The following SIK2 variants were observed in gnomAD, a reference collection of about 807,000 sequenced individuals.
SIK2 encodes serine/threonine-protein kinase SIK2.
SIK2 carries 29 observed loss-of-function variants against 103.2 expected under a neutral mutation model. The observed-to-expected ratio is 0.28, with a 90% CI of 0.21 to 0.38. The LOEUF is 0.38. SIK2 is among the 10% of genes least tolerant of loss of function. SIK2 has a pLI of 1.00. For synonymous variants in SIK2, 412 were observed against 446.1 expected, an observed-to-expected ratio of 0.92 and a Z score of 0.96; for missense variants, 879 against 1,171.0, an observed-to-expected ratio of 0.75 and a Z score of 3.64.
In SIK2 at chr11:111,624,641, G is replaced by A. The variant is rs550106520; in HGVS notation, c.316+4239G>A. On this transcript the variant is annotated intron_variant, in intron 3 of 14. Transcript: ENST00000304987. ...TATGTGGTAAGAAAACTGCAATGAA[G>A]AAAATAGACAAAAATCTCTACTCTT... is the stretch of plus-strand genomic sequence containing the variant. Among the ~76,000 whole-genome samples the A allele has an allele frequency of 5.3e-5, 8 of 152,278 alleles. No homozygotes were observed. The South Asian group carries it at 1.7e-3, about 32-fold the overall frequency.
intron 3 of SIK2, among the ~76,000 whole-genome samples, chr11:111,658,809 C>T (rs1942429647): frequency 2.6e-5 from 4 of 151,942 alleles, no homozygotes; most frequent in Admixed American, 2.0e-4. Context: ...AGAAGTACTA[C>T]AGTAACCAAA....
intron 8 of SIK2, among the ~76,000 whole-genome samples, chr11:111,707,735 T>C (rs556555717): frequency 1.1e-4 from 16 of 152,318 alleles, no homozygotes; most frequent in African/African-American, 3.8e-4. Flanking sequence ...TTAAAAGAAG[T>C]GGCAAATCAC....
chr11:111,699,329 C>T (rs576655868), intron 4 of SIK2, among the ~76,000 whole-genome samples: 2 of 152,304 alleles, frequency 1.3e-5, no homozygotes, highest in Non-Finnish European at 2.9e-5. Context: ...TTCTACCCCT[C>T]CTATCTACTT....
At chr11:111,715,793 C>CTT (rs535843069) in intron 9 of SIK2, among the ~76,000 whole-genome samples, 2,880 of 81,662 alleles carry the variant, frequency 0.035, 17 homozygotes, top group East Asian at 0.045. Flanking sequence ...TCATTTTTAG[C>CTT]TTTTTTTTTT....
intron 3 of SIK2, among the ~76,000 whole-genome samples, chr11:111,644,324 AG>A (rs1246834656): frequency 4.7e-4 from 71 of 151,716 alleles, no homozygotes; most frequent in African/African-American, 1.6e-3. Flanking sequence ...AAAAAAGAAA[AG>A]AAAGAGAAAT....
rs779933093 is a variant in SIK2, at chr11:111,725,784, C to A, written c.*1655C>A. Reference sequence around the variant, plus strand: ...ATGCGAGCCCAGCTCCTACCAACGTCGGTAACTTGAGCAGTCCCTGTTGCT... The same window carrying A: ...ATGCGAGCCCAGCTCCTACCAACGTAGGTAACTTGAGCAGTCCCTGTTGCT... On this transcript the variant is annotated 3_prime_UTR_variant, in exon 15 of 15. Coordinates refer to ENST00000304987, the MANE Select transcript of SIK2 (RefSeq NM_015191.3). 2.6e-5 allele frequency: 4 copies of A among 152,654 alleles called. No homozygotes were observed. Among genetic ancestry groups the A allele is most frequent in the Non-Finnish European group, 5.9e-5 (4 of 68,054 alleles). 9.5% of individuals were successfully genotyped at this position (152,654 alleles called of 1,614,324 possible). A position where few individuals can be genotyped will look rare whatever the true frequency, so the allele number is the denominator to read the frequency against.
chr11:111,702,797 C>A (rs544266121), intron 6 of SIK2, among the ~76,000 whole-genome samples: 1 of 152,196 alleles, frequency 6.6e-6, no homozygotes, highest in Non-Finnish European at 1.5e-5. Context: ...AGCAGCAGCC[C>A]GTTGGAGAGC....
intron 1 of SIK2, 116 bp from the exon 2 acceptor site, chr11:111,616,127 A>G (rs901056238): frequency 1.2e-5 from 8 of 643,900 alleles, no homozygotes; most frequent in South Asian, 7.8e-5. Flanking sequence ...TTAAACTGCT[A>G]TCATCAGTGT....
Position 111,729,988 on chromosome 11 carries a change from A to G in SIK2, c.*5859A>G, listed in dbSNP as rs1409571083. 1 of 146,182 alleles carries G rather than the reference A, an allele frequency of 6.8e-6. No homozygotes were observed. Among genetic ancestry groups the G allele is most frequent in the Non-Finnish European group, 1.5e-5 (1 of 68,058 alleles). 9.1% of individuals were successfully genotyped at this position (146,182 alleles called of 1,614,324 possible). On this transcript the variant is annotated 3_prime_UTR_variant, in exon 15 of 15. Coordinates refer to ENST00000304987, the MANE Select transcript of SIK2 (RefSeq NM_015191.3). ...GGGCCGCATCGCACGGCATCAGGCC[A>G]CCACTGCAGGCCAGCAGATTCCACC...
In SIK2 at chr11:111,722,910, A is replaced by G. The variant is rs956552216; in HGVS notation, c.2147+154A>G. On this transcript the variant is annotated intron_variant, in intron 14 of 14. Coordinates refer to ENST00000304987, the MANE Select transcript of SIK2 (RefSeq NM_015191.3). This position sits in a 1 kb window ranked among gnomAD's most constrained non-coding sequence, Gnocchi z 4.4. ...CCCTCTGAGCACGATTACTAAGAGG[A>G]TATCTCAGTATCCATGGAGGATGGT... Among the ~76,000 whole-genome samples, 2 of 152,194 alleles carry G rather than the reference A, an allele frequency of 1.3e-5. No individual in the cohort carries two copies. Among genetic ancestry groups the G allele is most frequent in the African/African-American group, 2.4e-5 (1 of 41,446 alleles).
chr11:111,622,397 A>T (rs1300417683), intron 3 of SIK2, among the ~76,000 whole-genome samples: 8 of 151,780 alleles, frequency 5.3e-5, no homozygotes, highest in Admixed American at 3.3e-4. Context: ...CTGGTCCTAC[A>T]GGCACCCACC....
chr11:111,696,487 A>G (rs1266360293), intron 4 of SIK2, among the ~76,000 whole-genome samples: 1 of 152,252 alleles, frequency 6.6e-6, no homozygotes, highest in East Asian at 1.9e-4. Context: ...GCCACGTGGC[A>G]TGGCATAAAT....
At position 111,616,226 on chromosome 11, in the gene SIK2, T is replaced by C. The variant is rs746712048; in HGVS notation, c.136-17T>C. 9 of 1,511,568 alleles carry C rather than the reference T, an allele frequency of 6.0e-6. No individual in the cohort carries two copies. Among genetic ancestry groups the C allele is most frequent in the Middle Eastern group, 1.7e-4 (1 of 5,818 alleles). The allele number at this position is 1,511,568 out of a possible 1,614,324, so 93.6% of individuals were successfully genotyped here. On this transcript the variant is annotated splice_polypyrimidine_tract_variant and intron_variant, in intron 1 of 14. Coordinates refer to ENST00000304987, the MANE Select transcript of SIK2 (RefSeq NM_015191.3). ...CTATTGTATACTAATTGTATTTATT[T>C]GTGTTCTGGGATGCAGGTGGCAATA...
At chr11:111,609,969 A>G (rs896631693) in intron 1 of SIK2, among the ~76,000 whole-genome samples, 1 of 152,196 alleles carries the variant, frequency 6.6e-6, no homozygotes, top group Non-Finnish European at 1.5e-5. Flanking sequence ...TAGTAATAGG[A>G]CTGGAGTAAA....
At chr11:111,652,799 G>C (rs527441282) in intron 3 of SIK2, among the ~76,000 whole-genome samples, 58 of 152,114 alleles carry the variant, frequency 3.8e-4, no homozygotes, top group Admixed American at 3.9e-4. Flanking sequence ...AGGAAAGGGA[G>C]ACTCAAATTG....
intron 3 of SIK2, among the ~76,000 whole-genome samples, chr11:111,680,980 A>C (rs1473044042): frequency 6.6e-6 from 1 of 152,240 alleles, no homozygotes; most frequent in African/African-American, 2.4e-5. Flanking sequence ...ACTGACTGTA[A>C]GATGATAGTT....
Position 111,703,390 on chromosome 11 carries a change from C to T in SIK2, c.915C>T (p.His305=), listed in dbSNP as rs749573706. 1.2e-6 allele frequency: 2 copies of T among 1,613,926 alleles called. No individual in the cohort carries two copies. The highest frequency in any genetic ancestry group is 1.7e-5 in the Admixed American group (1 of 60,012). ...ATGAGCAGGTTCTGCGACTGATGCACAGCCTTGGAATAGATCAGCAGAAAA... is the reference window on the plus strand; with the variant it reads ...ATGAGCAGGTTCTGCGACTGATGCATAGCCTTGGAATAGATCAGCAGAAAA... ...EFNEQVLRLM[H]SLGIDQQKTI... The change falls in exon 7 of 15, where the codon CAC becomes CAT. Residue 305 remains histidine (H), a synonymous_variant. Transcript: ENST00000304987.
At chr11:111,652,597 C>G (rs891311102) in intron 3 of SIK2, among the ~76,000 whole-genome samples, 18 of 152,060 alleles carry the variant, frequency 1.2e-4, no homozygotes, top group Non-Finnish European at 2.4e-4. Flanking sequence ...GAAACAAAAC[C>G]AACTAGATTC....
At chr11:111,671,442 G>T in intron 3 of SIK2, 1 of 244,038 alleles carries the variant, frequency 4.1e-6, no homozygotes, top group South Asian at 5.0e-5. Context: ...GAGGCCCTTT[G>T]CTGATGTTCT....
Sources: allele counts gnomAD v4.1 joint callset (sites outside exome capture counted in the v4.1 genomes callset), GRCh38; gene constraint gnomAD v4.1.1; non-coding constraint Gnocchi (gnomAD v3.1); transcripts MANE v1.5; gene names NCBI Gene and HGNC (gene_info 2026-07-23, HGNC 2026-07-21).